Variants in SLC39A12 observed in about 807,000 individuals in gnomAD.
SLC39A12 encodes the protein zinc transporter ZIP12.
Under a neutral mutation model 71.1 loss-of-function variants are expected in SLC39A12, and 63 were observed. The ratio of observed to expected loss-of-function variants is 0.89; its 90% confidence interval spans 0.72 to 1.09. The LOEUF is 1.09. Ranked by LOEUF, SLC39A12 falls within the 50% of genes least tolerant of loss-of-function variation. SLC39A12 has a pLI of 0.00. For synonymous variants in SLC39A12, 351 were observed against 301.3 expected (o/e 1.16, Z -1.71); for missense variants, 892 against 812.6 (o/e 1.10, Z -1.19).
chr10:18,030,514 C>G (rs1344272932), intron 12 of SLC39A12, among the ~76,000 whole-genome samples: 1 of 152,032 alleles, frequency 6.6e-6, no homozygotes, highest in Non-Finnish European at 1.5e-5. Flanking sequence ...GCTGGGATTA[C>G]AGGCGTGAGC....
chr10:17,962,619 T>G (rs1554848543), intron 3 of SLC39A12, among the ~76,000 whole-genome samples: 1 of 152,192 alleles, frequency 6.6e-6, no homozygotes, highest in Non-Finnish European at 1.5e-5. Flanking sequence ...GAAATCATTT[T>G]TTTTTGAATT....
intron 12 of SLC39A12, among the ~76,000 whole-genome samples, chr10:18,010,376 A>G (rs1326311228): frequency 6.6e-6 from 1 of 152,220 alleles, no homozygotes; most frequent in East Asian, 1.9e-4. Context: ...TATTGTAGTT[A>G]AAATCAATGA....
intron 12 of SLC39A12, among the ~76,000 whole-genome samples, chr10:18,015,567 C>T (rs570468341): frequency 6.6e-6 from 1 of 152,190 alleles, no homozygotes; most frequent in East Asian, 1.9e-4. Flanking sequence ...TGAAAAGGCA[C>T]AGTCTAGTTT....
chr10:17,991,284 T>C lies in SLC39A12; in HGVS notation c.1403T>C (p.Leu468Pro). 1 of 1,589,654 alleles carries C rather than the reference T, an allele frequency of 6.3e-7. No homozygotes were observed. Among genetic ancestry groups the C allele is most frequent in the Non-Finnish European group, 8.5e-7 (1 of 1,172,654 alleles). Residue 468 changes from leucine (L) to proline (P), a missense_variant, in exon 8 of 13, where the codon CTT becomes CCT. Coordinates refer to ENST00000377369, the MANE Select transcript of SLC39A12 (RefSeq NM_001145195.2). ...TTGATAGAAAAATGTTTTATTCTTC[T>C]TGTATCACCAAATGACAAGGTATAT... The part of the protein sequence containing the change: ...FFLIEKCFIL[L>P]VSPNDKQGLS...
At chr10:18,000,992 C>G (rs538941153) in intron 11 of SLC39A12, among the ~76,000 whole-genome samples, 167 bp downstream of exon 11, 17 of 152,258 alleles carry the variant, frequency 1.1e-4, no homozygotes. Context: ...AAAATAACTC[C>G]TGTACCTTGG....
chr10:17,961,790 T>C lies in SLC39A12; in HGVS notation c.471T>C (p.Ser157=). The C allele has an allele frequency of 6.2e-7, 1 of 1,614,162 alleles. No individual in the cohort carries two copies. The highest frequency in any genetic ancestry group is 8.5e-7 in the Non-Finnish European group (1 of 1,180,010). Residue 157 remains serine (S), a synonymous_variant, in exon 3 of 13, where the codon TCT becomes TCC. Transcript: ENST00000377369. ...LLSLRQDEDS[S]FLSQNETEDI... is the part of the protein sequence containing the mutation. The stretch of plus-strand genomic sequence containing the variant: ...GCCTCAGGCAGGATGAAGATTCCTC[T>C]TTCCTTTCACAGAATGAGACAGAAG...
intron 12 of SLC39A12, among the ~76,000 whole-genome samples, chr10:18,036,777 TATATATATATATA>T (rs1487615433): frequency 0.034 from 637 of 18,698 alleles, 51 homozygotes; most frequent in African/African-American, 0.094. Flanking sequence ...TATATATATA[TATATATATATATA>T]TATATTTTTT....
At chr10:18,039,519 G>A (rs887353158) in intron 12 of SLC39A12, among the ~76,000 whole-genome samples, 2 of 152,156 alleles carry the variant, frequency 1.3e-5, no homozygotes, top group Non-Finnish European at 2.9e-5. Flanking sequence ...GTTGAGCCCC[G>A]GCATTTGTGA....
intron 9 of SLC39A12, 114 bp from the exon 10 acceptor site, chr10:17,995,541 AT>A: frequency 4.6e-6 from 4 of 862,682 alleles, no homozygotes; most frequent in Non-Finnish European, 7.3e-6. Context: ...TCTAATATAC[AT>A]CTAGAGTACT....
rs1564669439 is a variant in SLC39A12, at chr10:18,042,948, CTCTT to C, written c.*118_*121del. The C allele has an allele frequency of 3.8e-6, 3 of 781,840 alleles. No individual in the cohort carries two copies. Among genetic ancestry groups the C allele is most frequent in the African/African-American group, 1.8e-5 (1 of 54,942 alleles). The allele number at this position is 781,840 out of a possible 1,614,324, so 48.4% of individuals were successfully genotyped here. A position where few individuals can be genotyped will look rare whatever the true frequency, so the allele number is the denominator to read the frequency against. On this transcript the variant is annotated 3_prime_UTR_variant, in exon 13 of 13. Coordinates refer to ENST00000377369, the MANE Select transcript of SLC39A12 (RefSeq NM_001145195.2). Reference sequence around the variant, plus strand: ...ATTTTTTATCTTAGGCAAAGTGTGTCTCTTTCAATTCATTAACTTATTAATTTTA... The same window carrying C: ...ATTTTTTATCTTAGGCAAAGTGTGTCTCAATTCATTAACTTATTAATTTTA...
At chr10:17,964,625 A>G (rs1345296541) in intron 3 of SLC39A12, among the ~76,000 whole-genome samples, 1 of 152,208 alleles carries the variant, frequency 6.6e-6, no homozygotes, top group Non-Finnish European at 1.5e-5. Flanking sequence ...TGATATACAT[A>G]TTTGAAAAAG....
intron 12 of SLC39A12, among the ~76,000 whole-genome samples, chr10:18,020,714 T>C (rs1363586827): frequency 6.6e-6 from 1 of 152,158 alleles, no homozygotes; most frequent in Non-Finnish European, 1.5e-5. Context: ...GTTTCCCTAA[T>C]GATTAGTGAT....
chr10:17,987,797 C>T (rs1233446019), intron 7 of SLC39A12, 146 bp downstream of exon 7: 10 of 802,276 alleles, frequency 1.2e-5, no homozygotes, highest in Non-Finnish European at 1.8e-5. Flanking sequence ...TATTATTTCC[C>T]CAAGGCCTCT....
rs567746585 is a variant in SLC39A12, at chr10:18,029,943, G to A, written c.1948-12762G>A. Among the ~76,000 whole-genome samples, 8 of 151,784 alleles carry A rather than the reference G, an allele frequency of 5.3e-5. No homozygotes were observed. In the South Asian group the frequency reaches 1.7e-3, roughly 32 times the overall value. On this transcript the variant is annotated intron_variant, in intron 12 of 12. Transcript: ENST00000377369. ...AAGAGAAGGTGGAAAGCTATAATTA[G>A]ATAGGGTTTGAGTTTTGGCATTTCG...
intron 4 of SLC39A12, among the ~76,000 whole-genome samples, chr10:17,974,979 CGTA>C (rs1327715160): frequency 6.6e-6 from 1 of 152,182 alleles, no homozygotes; most frequent in Non-Finnish European, 1.5e-5. Flanking sequence ...AATCACAAGA[CGTA>C]GTCCTTCTCA....
intron 12 of SLC39A12, among the ~76,000 whole-genome samples, chr10:18,027,545 C>T (rs369599009): frequency 7.2e-5 from 11 of 152,250 alleles, no homozygotes; most frequent in East Asian, 1.9e-4. Context: ...TTGGGTCTTC[C>T]GGAATTTTAA....
intron 12 of SLC39A12, among the ~76,000 whole-genome samples, chr10:18,035,756 G>A (rs1589260251): frequency 6.6e-6 from 1 of 152,286 alleles, no homozygotes; most frequent in East Asian, 1.9e-4. Flanking sequence ...TTTCTGTTCT[G>A]TTTTTTCCCC....
intron 6 of SLC39A12, among the ~76,000 whole-genome samples, chr10:17,985,525 T>A (rs1057102814): frequency 6.6e-6 from 1 of 152,158 alleles, no homozygotes; most frequent in African/African-American, 2.4e-5. Context: ...ACTTATTGTA[T>A]ATCCATAGTC....
rs575824201 is a variant in SLC39A12 at position 17,957,599 on chromosome 10, C to T, written c.262-3982C>T. On this transcript the variant is annotated intron_variant, in intron 2 of 12. Coordinates refer to ENST00000377369, the MANE Select transcript of SLC39A12 (RefSeq NM_001145195.2). The stretch of plus-strand genomic sequence containing the variant: ...GATGCCTGTGGGGTGGCAGTATTTG[C>T]GACATTTTGCTAAATATCCTCTCCC... Among the ~76,000 whole-genome samples the T allele has an allele frequency of 4.6e-5, 7 of 152,128 alleles. No individual in the cohort carries two copies. The South Asian group carries it at 8.3e-4, about 18-fold the overall frequency.
Sources: allele counts gnomAD v4.1 joint callset (sites outside exome capture counted in the v4.1 genomes callset), GRCh38; gene constraint gnomAD v4.1.1; transcripts MANE v1.5; gene names NCBI Gene and HGNC (gene_info 2026-07-23, HGNC 2026-07-21).